The following NMNAT3 variants were observed in gnomAD, a reference collection of about 807,000 sequenced individuals.
NMNAT3 encodes the protein nicotinamide/nicotinic acid mononucleotide adenylyltransferase 3.
A neutral mutation model predicts 24.8 loss-of-function variants in NMNAT3; 21 were observed. The observed-to-expected ratio is 0.85, with a 90% CI of 0.60 to 1.22. NMNAT3 has a LOEUF of 1.22. Among genes scored for constraint, NMNAT3 ranks in the 50% most tolerant of loss-of-function variants. NMNAT3 has a pLI of 0.00. For missense variants in NMNAT3, 387 were observed against 436.6 expected, an observed-to-expected ratio of 0.89 and a Z score of 1.01; for synonymous variants, 136 against 155.2, an observed-to-expected ratio of 0.88 and a Z score of 0.92.
chr3:139,598,172 A>C (rs2054562236), intron 3 of NMNAT3, among the ~76,000 whole-genome samples: 1 of 152,144 alleles, frequency 6.6e-6, no homozygotes, highest in Non-Finnish European at 1.5e-5. Flanking sequence ...TAGAGGAGAG[A>C]ATTGTGACAG....
intron 1 of NMNAT3, among the ~76,000 whole-genome samples, chr3:139,638,789 G>C (rs2056597273): frequency 6.6e-6 from 1 of 152,140 alleles, no homozygotes; most frequent in Admixed American, 6.5e-5. Flanking sequence ...TCAACATGCT[G>C]ATTCCCTGCT....
intron 1 of NMNAT3, among the ~76,000 whole-genome samples, chr3:139,666,175 A>T (rs1246370008): frequency 6.6e-6 from 1 of 152,166 alleles, no homozygotes; most frequent in Non-Finnish European, 1.5e-5. Flanking sequence ...TTACAATGGG[A>T]CAGTGACATG....
At chr3:139,653,454 C>A (rs944789366) in intron 1 of NMNAT3, among the ~76,000 whole-genome samples, 10 of 152,308 alleles carry the variant, frequency 6.6e-5, no homozygotes, top group Middle Eastern at 3.4e-3. Context: ...GCAAAACCTA[C>A]TCTTTCCTTT....
chr3:139,662,842 AC>A (rs961255263), intron 1 of NMNAT3, among the ~76,000 whole-genome samples: 1 of 151,158 alleles, frequency 6.6e-6, no homozygotes, highest in East Asian at 1.9e-4. Flanking sequence ...TCTTTTAATG[AC>A]CCCCCAATCA....
chr3:139,573,697 T>C lies in NMNAT3; in HGVS notation c.576-17A>G. 1 of 1,508,482 alleles carries C rather than the reference T, an allele frequency of 6.6e-7. No homozygotes were observed. The highest frequency in any genetic ancestry group is 9.0e-7 in the Non-Finnish European group (1 of 1,107,658). 93.4% of individuals were successfully genotyped at this position (1,508,482 alleles called of 1,614,324 possible). The stretch of plus-strand genomic sequence containing the variant: ...TGATGATGCCTGTGTTGTAAACATA[T>C]GGGCTCAGGGTATGTCTGTCCTCCA... On this transcript the variant is annotated splice_polypyrimidine_tract_variant and intron_variant, in intron 5 of 6. Coordinates refer to ENST00000643695, the MANE Select transcript of NMNAT3 (RefSeq NM_001320510.2).
chr3:139,656,314 T>C (rs1303922147), intron 1 of NMNAT3, among the ~76,000 whole-genome samples: 1 of 152,138 alleles, frequency 6.6e-6, no homozygotes, highest in African/African-American at 2.4e-5. Flanking sequence ...ATCACAACCA[T>C]GGTTTTGAAG....
chr3:139,612,318 G>A (rs997001440), intron 3 of NMNAT3, among the ~76,000 whole-genome samples: 15 of 152,276 alleles, frequency 9.9e-5, no homozygotes, highest in African/African-American at 3.6e-4. Flanking sequence ...GCTAGCAAGA[G>A]TTCACTCAGA....
chr3:139,629,839 G>C (rs922517403), intron 2 of NMNAT3, among the ~76,000 whole-genome samples: 4 of 152,018 alleles, frequency 2.6e-5, no homozygotes, highest in Admixed American at 2.6e-4. Context: ...AAAACCCCCC[G>C]GCACATCCCA....
At position 139,582,960 on chromosome 3, in the gene NMNAT3, T is replaced by G. The variant is rs2053732304; in HGVS notation, c.358A>C (p.Thr120Pro). Residue 120 changes from threonine (T) to proline (P), a missense_variant, in exon 4 of 7, where the codon ACA becomes CCA. By Grantham distance (38) the Thr-to-Pro change is conservative. This residue lies in a region of NMNAT3 where 323 missense variants were observed against 345.2 expected (regional missense o/e 0.94). Transcript: ENST00000643695. ...CGCTCATCAGTGAATATTTTGTTTG[T>G]TTGGTTCCAGGTGCTATCTATAAAT... 1.3e-6 allele frequency: 2 copies of G among 1,534,476 alleles called. No homozygotes were observed. Among genetic ancestry groups the G allele is most frequent in the Non-Finnish European group, 8.7e-7 (1 of 1,144,982 alleles).
chr3:139,619,615 C>T (rs1187858827), intron 3 of NMNAT3, among the ~76,000 whole-genome samples: 1 of 152,056 alleles, frequency 6.6e-6, no homozygotes, highest in Non-Finnish European at 1.5e-5. Context: ...TGAGAAGCAG[C>T]TCATTCTACA....
At chr3:139,590,264 T>C (rs1043415287) in intron 3 of NMNAT3, among the ~76,000 whole-genome samples, 2 of 152,184 alleles carry the variant, frequency 1.3e-5, no homozygotes, top group African/African-American at 2.4e-5. Context: ...CCAAAGTTTA[T>C]ATGGGAGGCA....
At chr3:139,568,858 C>G (rs1309226963) in intron 6 of NMNAT3, 1 of 152,206 alleles carries the variant, frequency 6.6e-6, no homozygotes, top group Non-Finnish European at 1.5e-5. Flanking sequence ...TCTATTAAGT[C>G]TGCTTGGTGC....
chr3:139,662,561 G>A (rs1046815084), intron 1 of NMNAT3, among the ~76,000 whole-genome samples: 1 of 152,194 alleles, frequency 6.6e-6, no homozygotes, highest in East Asian at 1.9e-4. Context: ...GGGTCAAAGA[G>A]AGGCCCACAT....
At chr3:139,659,910 A>G (rs1313289902) in intron 1 of NMNAT3, among the ~76,000 whole-genome samples, 2 of 152,244 alleles carry the variant, frequency 1.3e-5, no homozygotes, top group African/African-American at 2.4e-5. Flanking sequence ...CTAGAAATGC[A>G]CGTTTTTAGA....
chr3:139,618,770 A>G (rs574512542), intron 3 of NMNAT3, among the ~76,000 whole-genome samples: 2 of 152,346 alleles, frequency 1.3e-5, no homozygotes, highest in East Asian at 3.9e-4. Flanking sequence ...CTTGGAAAGA[A>G]GATGGTTCGG....
At chr3:139,662,860 C>T (rs910960564) in intron 1 of NMNAT3, among the ~76,000 whole-genome samples, 1 of 152,186 alleles carries the variant, frequency 6.6e-6, no homozygotes, top group Non-Finnish European at 1.5e-5. Context: ...ATCAATATTA[C>T]TCTTTATGAA....
chr3:139,669,406 C>T (rs185987720), intron 1 of NMNAT3, among the ~76,000 whole-genome samples: 27 of 133,184 alleles, frequency 2.0e-4, no homozygotes, highest in Admixed American at 5.3e-4. Flanking sequence ...ACCTGGGAGG[C>T]GGAGGTTGAA....
At chr3:139,579,076 G>A (rs369545555) in intron 4 of NMNAT3, 21 bp from the exon 5 acceptor site, 21 of 1,605,044 alleles carry the variant, frequency 1.3e-5, no homozygotes, top group Non-Finnish European at 1.8e-5. Flanking sequence ...GAGAGCAGTG[G>A]TGTTGCACAT....
chr3:139,561,494 G>A (rs561822568), intron 6 of NMNAT3, 102 bp from the exon 7 acceptor site: 183 of 1,122,556 alleles, frequency 1.6e-4, no homozygotes, highest in Admixed American at 4.8e-4. Context: ...TGGATGTATC[G>A]AGAACTCAGT....
Sources: allele counts gnomAD v4.1 joint callset (sites outside exome capture counted in the v4.1 genomes callset), GRCh38; gene constraint gnomAD v4.1.1; regional missense constraint gnomAD v4.1.1; transcripts MANE v1.5; gene names NCBI Gene and HGNC (gene_info 2026-07-23, HGNC 2026-07-21).